PLCE1: variants seen among roughly 807,000 people sequenced by gnomAD.
PLCE1 encodes 1-phosphatidylinositol 4,5-bisphosphate phosphodiesterase epsilon-1.
Under a neutral mutation model 242.8 loss-of-function variants are expected in PLCE1, and 119 were observed. That is an observed-to-expected ratio of 0.49 (90% CI 0.42 to 0.57). PLCE1 has a LOEUF of 0.57. Among genes scored for constraint, PLCE1 ranks in the 20% least tolerant of loss-of-function variants. The pLI is 0.00. For synonymous variants in PLCE1, 945 were observed against 1,017.4 expected (o/e 0.93, Z 1.35); for missense variants, 2,441 against 2,788.8 (o/e 0.88, Z 2.81).
chr10:94,169,633 GAGA>G (rs2047910851), intron 3 of PLCE1, among the ~76,000 whole-genome samples: 1 of 152,208 alleles, frequency 6.6e-6, no homozygotes, highest in Admixed American at 6.5e-5. Context: ...TTGGGAATGT[GAGA>G]AGAATAGAAA....
At chr10:94,152,714 G>T (rs970604769) in intron 3 of PLCE1, among the ~76,000 whole-genome samples, 15 of 152,154 alleles carry the variant, frequency 9.9e-5, no homozygotes, top group Admixed American at 3.3e-4. Flanking sequence ...CAAGTAATAT[G>T]CTTAGATAGC....
At position 94,316,553 on chromosome 10, in the gene PLCE1, A is replaced by G. The variant is rs1310705738; in HGVS notation, c.6139A>G (p.Thr2047Ala). The change falls in exon 29 of 33, where the codon ACA becomes GCA. Residue 2047 changes from threonine to alanine, a missense_variant. By Grantham distance (58) the Thr-to-Ala change is moderately conservative (BLOSUM62 0). This residue lies in a region of PLCE1 where 310 missense variants were observed against 317.2 expected (regional missense o/e 0.98). Transcript: ENST00000371380. ...GCCTTCACTTTTTCTTTAGATTCTG[A>G]CAAATGAACAAGACATCAAACCTGT... ...KAKQLLQQIL[T>A]NEQDIKPVTT... The G allele has an allele frequency of 1.2e-6, 2 of 1,604,242 alleles. No individual in the cohort carries two copies. The highest frequency in any genetic ancestry group is 3.3e-5 in the Admixed American group (2 of 59,982).
At chr10:94,039,428 C>A (rs1045475872) in intron 2 of PLCE1, among the ~76,000 whole-genome samples, 5 of 151,536 alleles carry the variant, frequency 3.3e-5, no homozygotes, top group African/African-American at 1.2e-4. Flanking sequence ...GTTGCCCAGG[C>A]TGGAGTGCAG....
intron 2 of PLCE1, among the ~76,000 whole-genome samples, chr10:94,119,855 A>G (rs1371243877): frequency 6.6e-6 from 1 of 152,206 alleles, no homozygotes; most frequent in African/African-American, 2.4e-5. Flanking sequence ...CATTCAGTAA[A>G]TATTTGTTGT....
intron 4 of PLCE1, among the ~76,000 whole-genome samples, chr10:94,176,403 A>T (rs1372375307): frequency 3.3e-5 from 5 of 152,192 alleles, no homozygotes; most frequent in Non-Finnish European, 7.3e-5. Context: ...CTGTCTCAAA[A>T]AACAGACACA....
chr10:94,315,709 G>T (rs558903213), intron 28 of PLCE1, among the ~76,000 whole-genome samples: 2 of 148,834 alleles, frequency 1.3e-5, no homozygotes, highest in Non-Finnish European at 3.0e-5. Context: ...GGCGGAGGTT[G>T]CAGTGAGCCG....
intron 4 of PLCE1, among the ~76,000 whole-genome samples, chr10:94,194,606 G>T (rs1404085169): frequency 6.6e-6 from 1 of 152,240 alleles, no homozygotes; most frequent in Non-Finnish European, 1.5e-5. Flanking sequence ...CCCTGGCTCA[G>T]ATTTGAATTC....
intron 8 of PLCE1, 126 bp from the exon 9 acceptor site, chr10:94,252,190 A>T: frequency 1.3e-6 from 1 of 793,684 alleles, no homozygotes; most frequent in Non-Finnish European, 2.2e-6. Flanking sequence ...TTGGGTGGCC[A>T]GATCATTATT....
intron 4 of PLCE1, among the ~76,000 whole-genome samples, chr10:94,200,088 T>C (rs2048946390): frequency 6.6e-6 from 1 of 152,196 alleles, no homozygotes; most frequent in Non-Finnish European, 1.5e-5. Context: ...TGGTTACATA[T>C]AGAAATATCT....
chr10:94,059,995 G>A (rs1048915879), intron 2 of PLCE1, among the ~76,000 whole-genome samples: 1 of 152,146 alleles, frequency 6.6e-6, no homozygotes, highest in Non-Finnish European at 1.5e-5. Context: ...AATTATAGTG[G>A]AAGTGTTTTT....
At chr10:94,285,551 G>A (rs910366135) in intron 22 of PLCE1, among the ~76,000 whole-genome samples, 2 of 152,180 alleles carry the variant, frequency 1.3e-5, no homozygotes, top group Non-Finnish European at 2.9e-5. Flanking sequence ...CCTCCATCAT[G>A]TTGGCTTTCT....
At chr10:94,240,496 C>T (rs577964335) in intron 7 of PLCE1, among the ~76,000 whole-genome samples, 18 of 152,076 alleles carry the variant, frequency 1.2e-4, no homozygotes, top group Non-Finnish European at 1.9e-4. Context: ...GCATTAAAAA[C>T]GCTAGATTTT....
At chr10:94,280,809 TC>T (rs1192209657) in intron 20 of PLCE1, among the ~76,000 whole-genome samples, 7 of 152,242 alleles carry the variant, frequency 4.6e-5, no homozygotes, top group Non-Finnish European at 5.9e-5. Flanking sequence ...AGCCCCCTCC[TC>T]CAAATATCTG....
intron 26 of PLCE1, among the ~76,000 whole-genome samples, chr10:94,307,804 G>C (rs887153550): frequency 1.3e-5 from 2 of 152,184 alleles, no homozygotes; most frequent in Non-Finnish European, 2.9e-5. Flanking sequence ...CACATTCTGA[G>C]GTACTGAGGG....
intron 2 of PLCE1, among the ~76,000 whole-genome samples, chr10:94,115,639 G>A (rs553679584): frequency 2.1e-4 from 32 of 152,248 alleles, no homozygotes; most frequent in Non-Finnish European, 4.1e-4. Flanking sequence ...ATTTGTTTGT[G>A]TTCATTGTAA....
rs2054135706 is a variant in PLCE1, at chr10:94,329,781, A to C, written c.*1838A>C. ...GACAGAGCGAGACTCCGTCTCAAAA[A>C]AAAAAAAAAAAAAAAAAAAAAAAAA... On this transcript the variant is annotated 3_prime_UTR_variant, in exon 33 of 33. Transcript: ENST00000371380. 9.4e-6 allele frequency: 1 copy of C among 106,604 alleles called. No individual in the cohort carries two copies. Among genetic ancestry groups the C allele is most frequent in the Non-Finnish European group, 2.0e-5 (1 of 51,112 alleles). The allele number at this position is 106,604 out of a possible 1,614,324, so 6.6% of individuals were successfully genotyped here. A position where few individuals can be genotyped will look rare whatever the true frequency, so the allele number is the denominator to read the frequency against.
chr10:94,246,758 C>T (rs1329138412), intron 8 of PLCE1, 137 bp downstream of exon 8: 9 of 710,432 alleles, frequency 1.3e-5, no homozygotes, highest in South Asian at 1.2e-4. Flanking sequence ...TTTACTTAAC[C>T]TCTTGGTACC....
At chr10:94,290,024 C>T in intron 22 of PLCE1, among the ~76,000 whole-genome samples, 1 of 151,900 alleles carries the variant, frequency 6.6e-6, no homozygotes, top group Non-Finnish European at 1.5e-5. Flanking sequence ...TCTTTCTTAT[C>T]TTATTTTTAT....
At chr10:94,104,641 A>G (rs1206452813) in intron 2 of PLCE1, 1 of 152,168 alleles carries the variant, frequency 6.6e-6, no homozygotes, top group Non-Finnish European at 1.5e-5. Flanking sequence ...CTTCTAAGCC[A>G]TCTAATTGAA....
Sources: gnomAD v4.1 joint callset for allele counts (sites outside exome capture counted in the v4.1 genomes callset) on GRCh38, gnomAD v4.1.1 for gene constraint, gnomAD v4.1.1 regional missense constraint, MANE v1.5 for transcripts, NCBI Gene and HGNC (gene_info 2026-07-23, HGNC 2026-07-21) for gene names.